The following WDFY3 variants were observed in gnomAD, a reference collection of about 807,000 sequenced individuals.
The protein encoded by WDFY3 is WD repeat and FYVE domain containing 3.
A neutral mutation model predicts 409.6 loss-of-function variants in WDFY3; 66 were observed. That is an observed-to-expected ratio of 0.16 (90% CI 0.13 to 0.20). The LOEUF (loss-of-function observed/expected upper bound fraction) is 0.20, where lower values mean the gene tolerates loss of function less well. WDFY3 is among the 10% of genes least tolerant of loss of function. The pLI is 1.00. For missense variants in WDFY3, 3,031 were observed against 4,298.1 expected, an observed-to-expected ratio of 0.71 and a Z score of 8.24; for synonymous variants, 1,521 against 1,537.1, an observed-to-expected ratio of 0.99 and a Z score of 0.25.
intron 7 of WDFY3, among the ~76,000 whole-genome samples, chr4:84,835,250 G>T (rs190422249): frequency 8.4e-4 from 128 of 152,192 alleles, no homozygotes; most frequent in Non-Finnish European, 1.6e-3. Flanking sequence ...ATTACCTAAG[G>T]CATTAGTTCT....
At chr4:84,706,789 C>T (rs1032176215) in intron 53 of WDFY3, among the ~76,000 whole-genome samples, 39 of 151,998 alleles carry the variant, frequency 2.6e-4, no homozygotes, top group Admixed American at 2.6e-4. Flanking sequence ...AGAGAGGGAA[C>T]TGGGGTGCCC....
intron 5 of WDFY3, among the ~76,000 whole-genome samples, chr4:84,841,743 T>TA (rs1247401738): frequency 1.3e-4 from 20 of 152,178 alleles, no homozygotes. Flanking sequence ...AGTAGTGATT[T>TA]AAAAAATAGA....
At chr4:84,692,260 C>T (rs1729384296) in intron 59 of WDFY3, among the ~76,000 whole-genome samples, 1 of 152,214 alleles carries the variant, frequency 6.6e-6, no homozygotes, top group Non-Finnish European at 1.5e-5. Flanking sequence ...CCAGAAGAAT[C>T]GCCAACAGTG....
chr4:84,812,619 G>C (rs1752687389), intron 13 of WDFY3, among the ~76,000 whole-genome samples: 1 of 152,102 alleles, frequency 6.6e-6, no homozygotes, highest in Non-Finnish European at 1.5e-5. Context: ...AGAAAAATAT[G>C]ACAAGTATTA....
At chr4:84,748,467 C>G (rs1168411478) in intron 36 of WDFY3, among the ~76,000 whole-genome samples, 1 of 152,006 alleles carries the variant, frequency 6.6e-6, no homozygotes, top group Non-Finnish European at 1.5e-5. Flanking sequence ...TCACAATAAT[C>G]TTGTAAGAGA....
In WDFY3 at chr4:84,786,017, C is replaced by T. The variant is rs1747486717; in HGVS notation, c.4024G>A (p.Val1342Met). The change falls in exon 24 of 68, where the codon GTG (valine) becomes ATG (methionine). Residue 1342 changes from valine to methionine, a missense_variant. Val to Met is a conservative substitution (Grantham distance 21). Around this residue, in one of 16 missense-constraint regions of WDFY3, gnomAD observed 1,322 missense variants for 1,697.9 expected, o/e 0.78. Coordinates refer to ENST00000295888, the MANE Select transcript of WDFY3 (RefSeq NM_014991.6). ...SSLTVARIRK[V>M]YNKLDSKAIA... The stretch of plus-strand genomic sequence containing the variant: ...GCTTTGCTATCCAATTTGTTATACA[C>T]TTTCCGGATTCTTGCCACTGTTAGA... 6.2e-7 allele frequency: 1 copy of T among 1,613,868 alleles called. No homozygotes were observed. The highest frequency in any genetic ancestry group is 1.3e-5 in the African/African-American group (1 of 74,916).
At chr4:84,731,385 A>G (rs1212624977) in intron 44 of WDFY3, among the ~76,000 whole-genome samples, 1 of 152,200 alleles carries the variant, frequency 6.6e-6, no homozygotes, top group Non-Finnish European at 1.5e-5. Flanking sequence ...GAACTACTAA[A>G]ACCAAAATAA....
chr4:84,677,070 G>T, intron 67 of WDFY3, 129 bp downstream of exon 67: 2 of 1,039,654 alleles, frequency 1.9e-6, no homozygotes, highest in Non-Finnish European at 2.7e-6. Context: ...AAAAAGTGAA[G>T]ACTGGTTCAT....
intron 27 of WDFY3, among the ~76,000 whole-genome samples, chr4:84,778,020 A>G (rs1745849704): frequency 6.6e-6 from 1 of 152,154 alleles, no homozygotes; most frequent in Non-Finnish European, 1.5e-5. Flanking sequence ...AGCAAAGGGG[A>G]AAAAGAAGTG....
chr4:84,770,728 C>A (rs548125551), intron 30 of WDFY3, among the ~76,000 whole-genome samples: 1 of 152,270 alleles, frequency 6.6e-6, no homozygotes, highest in Non-Finnish European at 1.5e-5. Context: ...AAAAGAATAT[C>A]ACAAAACTTA....
intron 2 of WDFY3, among the ~76,000 whole-genome samples, chr4:84,904,614 T>G (rs1365254694): frequency 2.6e-5 from 4 of 152,204 alleles, no homozygotes; most frequent in African/African-American, 7.2e-5. Context: ...GTGCTGCAGT[T>G]TGTGCAGGTG....
intron 10 of WDFY3, among the ~76,000 whole-genome samples, chr4:84,824,392 CAT>C (rs1018707222): frequency 1.4e-4 from 22 of 152,190 alleles, no homozygotes; most frequent in African/African-American, 5.1e-4. Flanking sequence ...GGAAGAAAAA[CAT>C]AGAATATATA....
rs1029774775 is a variant in WDFY3, at chr4:84,779,287, C to G, written c.4366-632G>C. 2.6e-5 allele frequency among the ~76,000 whole-genome samples: 4 copies of G among 152,236 alleles called. No individual in the cohort carries two copies. In the East Asian group the frequency reaches 7.7e-4, roughly 29 times the overall value. Reference sequence around the variant, plus strand: ...ACACAGTAAACAGTATATTCATTATCAATAAACTAATGGTTAAACTTGCAG... The same window carrying G: ...ACACAGTAAACAGTATATTCATTATGAATAAACTAATGGTTAAACTTGCAG... On this transcript the variant is annotated intron_variant, in intron 26 of 67. Coordinates refer to ENST00000295888, the MANE Select transcript of WDFY3 (RefSeq NM_014991.6).
At chr4:84,870,718 T>C (rs1762027150) in intron 3 of WDFY3, among the ~76,000 whole-genome samples, 1 of 152,022 alleles carries the variant, frequency 6.6e-6, no homozygotes, top group South Asian at 2.1e-4. Context: ...CCTTCTGGTC[T>C]CACTTGAGGT....
chr4:84,935,953 A>T (rs979865179), intron 1 of WDFY3, among the ~76,000 whole-genome samples: 2 of 152,186 alleles, frequency 1.3e-5, no homozygotes, highest in African/African-American at 4.8e-5. Flanking sequence ...TAAAGTTCCC[A>T]TTTTGACCCT....
At chr4:84,912,126 A>G (rs1294392103) in intron 2 of WDFY3, among the ~76,000 whole-genome samples, 1 of 152,216 alleles carries the variant, frequency 6.6e-6, no homozygotes. Context: ...GTTTAGCTCA[A>G]TATCATAAAC....
intron 36 of WDFY3, among the ~76,000 whole-genome samples, chr4:84,749,586 G>A (rs1740135534): frequency 6.6e-6 from 1 of 152,020 alleles, no homozygotes. Flanking sequence ...AGGTTGACGA[G>A]GAAAAAAATT....
At chr4:84,886,654 G>A (rs1764272578) in intron 3 of WDFY3, among the ~76,000 whole-genome samples, 2 of 152,098 alleles carry the variant, frequency 1.3e-5, no homozygotes, top group African/African-American at 4.8e-5. Flanking sequence ...TTTAGAGAGG[G>A]AAGGAAGGAA....
intron 26 of WDFY3, among the ~76,000 whole-genome samples, chr4:84,779,647 GAGTA>G (rs1268647797): frequency 6.6e-6 from 1 of 152,094 alleles, no homozygotes; most frequent in Non-Finnish European, 1.5e-5. Flanking sequence ...CACGTCTCCT[GAGTA>G]AGTAACAGAG....
Sources: gnomAD v4.1 joint callset for allele counts (sites outside exome capture counted in the v4.1 genomes callset) on GRCh38, gnomAD v4.1.1 for gene constraint, gnomAD v4.1.1 regional missense constraint, MANE v1.5 for transcripts, NCBI Gene and HGNC (gene_info 2026-07-23, HGNC 2026-07-21) for gene names.